The following CSMD1 variants were observed in gnomAD, a reference collection of about 807,000 sequenced individuals.
CSMD1 encodes CUB and sushi domain-containing protein 1.
Under a neutral mutation model 417.5 loss-of-function variants are expected in CSMD1, and 213 were observed. The observed-to-expected ratio is 0.51, with a 90% CI of 0.46 to 0.57. The LOEUF (loss-of-function observed/expected upper bound fraction) is 0.57. Among genes scored for constraint, CSMD1 ranks in the 20% least tolerant of loss-of-function variants. CSMD1 has a pLI of 0.00. For synonymous variants in CSMD1, 2,862 were observed against 1,736.8 expected (o/e 1.65, Z -16.11); for missense variants, 6,923 against 4,529.7 (o/e 1.53, Z -15.17).
At chr8:4,174,345 A>G (rs1453826655) in intron 3 of CSMD1, among the ~76,000 whole-genome samples, 3 of 152,124 alleles carry the variant, frequency 2.0e-5, no homozygotes, top group African/African-American at 4.8e-5. Flanking sequence ...TTTACAGATT[A>G]AAGTGCAGTC....
chr8:4,393,209 A>C (rs76835104), intron 3 of CSMD1, among the ~76,000 whole-genome samples: 8,068 of 152,054 alleles, frequency 0.053, 690 homozygotes, highest in African/African-American at 0.18. Flanking sequence ...CTCCTCAGCT[A>C]AATTGATCTA....
intron 1 of CSMD1, among the ~76,000 whole-genome samples, chr8:4,990,054 G>A (rs934094909): frequency 5.3e-5 from 8 of 152,074 alleles, no homozygotes; most frequent in Non-Finnish European, 1.0e-4. Flanking sequence ...CTCTCTTCCC[G>A]AGGCCTCTGC....
intron 10 of CSMD1, among the ~76,000 whole-genome samples, chr8:3,569,163 G>A (rs574613001): frequency 1.3e-5 from 2 of 152,218 alleles, no homozygotes; most frequent in Admixed American, 6.5e-5. Flanking sequence ...GAATCTTCTT[G>A]AGAGGCCTTT....
chr8:3,300,507 C>T (rs754394625), intron 25 of CSMD1, among the ~76,000 whole-genome samples: 1 of 152,116 alleles, frequency 6.6e-6, no homozygotes, highest in Non-Finnish European at 1.5e-5. Flanking sequence ...ATGACTGACT[C>T]TGCTTTATAG....
rs761866267 is a variant in CSMD1 at position 3,369,323 on chromosome 8, G to A, written c.2830C>T (p.Pro944Ser). ...TTTGGATAAAAATCTGGAAACCCAG[G>A]AGAAAGGACTGTTCCACTCTTCCCT... ...IQGKSGTVLS[P>S]GFPDFYPNSL... The change falls in exon 19 of 70, where the codon CCT (proline) becomes TCT (serine). Residue 944 changes from proline to serine, a missense_variant. By Grantham distance (74) the Pro-to-Ser change is moderately conservative (BLOSUM62 -1). Transcript: ENST00000635120. 1.9e-6 allele frequency: 3 copies of A among 1,607,198 alleles called. No homozygotes were observed. The highest frequency in any genetic ancestry group is 2.6e-6 in the Non-Finnish European group (3 of 1,174,146).
chr8:3,205,820 A>C (rs1436864291), intron 30 of CSMD1, among the ~76,000 whole-genome samples, 200 bp from the exon 31 acceptor site: 1 of 152,228 alleles, frequency 6.6e-6, no homozygotes, highest in East Asian at 1.9e-4. Context: ...CCAACTTAGG[A>C]GAAAAACCTA....
intron 1 of CSMD1, among the ~76,000 whole-genome samples, chr8:4,714,973 G>A (rs1808556739): frequency 1.3e-5 from 2 of 152,138 alleles, no homozygotes; most frequent in Non-Finnish European, 1.5e-5. Context: ...AAATTAGACT[G>A]TATTTCCCTT....
At chr8:3,158,432 CAT>C (rs145555655) in intron 38 of CSMD1, among the ~76,000 whole-genome samples, 1,928 of 152,266 alleles carry the variant, frequency 0.013, 41 homozygotes, top group African/African-American at 0.044. Context: ...TTCCGCGTCA[CAT>C]GACTACCAGG....
chr8:3,697,302 G>A (rs941425436), intron 7 of CSMD1, among the ~76,000 whole-genome samples: 2 of 151,968 alleles, frequency 1.3e-5, no homozygotes, highest in Non-Finnish European at 2.9e-5. Context: ...AAACATTTTC[G>A]GTTTTCTCCT....
chr8:4,888,724 T>C (rs552759469), intron 1 of CSMD1, among the ~76,000 whole-genome samples: 1 of 152,104 alleles, frequency 6.6e-6, no homozygotes, highest in East Asian at 1.9e-4. Context: ...GCAGGGAAAG[T>C]GCAGGCCAAG....
chr8:3,395,096 T>C (rs564431073), intron 17 of CSMD1, among the ~76,000 whole-genome samples: 6 of 152,140 alleles, frequency 3.9e-5, no homozygotes, highest in African/African-American at 1.4e-4. Flanking sequence ...ATGTGGGGAA[T>C]GGAAGGCAAG....
chr8:3,055,916 A>C (rs959411242), intron 49 of CSMD1, among the ~76,000 whole-genome samples: 1 of 152,190 alleles, frequency 6.6e-6, no homozygotes, highest in African/African-American at 2.4e-5. Flanking sequence ...GACCTATGTC[A>C]AAAGGTAATC....
intron 1 of CSMD1, among the ~76,000 whole-genome samples, chr8:4,743,376 G>A (rs551001965): frequency 3.3e-4 from 50 of 152,192 alleles, no homozygotes; most frequent in African/African-American, 1.1e-3. Flanking sequence ...TTCACAGGAT[G>A]GAAATTATCA....
At chr8:4,046,871 C>G (rs1265641459) in intron 3 of CSMD1, among the ~76,000 whole-genome samples, 2 of 152,188 alleles carry the variant, frequency 1.3e-5, no homozygotes, top group South Asian at 2.1e-4. Context: ...AGGAGCCCCA[C>G]AGAGAATGTG....
At chr8:3,311,887 T>A (rs1805379522) in intron 23 of CSMD1, among the ~76,000 whole-genome samples, 1 of 152,204 alleles carries the variant, frequency 6.6e-6, no homozygotes, top group African/African-American at 2.4e-5. Flanking sequence ...GCTCTACAAG[T>A]AGTTTATAGC....
chr8:3,463,652 G>A (rs1038078957), intron 12 of CSMD1, among the ~76,000 whole-genome samples: 8 of 152,180 alleles, frequency 5.3e-5, no homozygotes, highest in East Asian at 1.9e-4. Flanking sequence ...ACCCTGTGCC[G>A]TCATTGCACT....
chr8:3,504,645 T>G (rs1332532622), intron 10 of CSMD1, among the ~76,000 whole-genome samples: 1 of 152,228 alleles, frequency 6.6e-6, no homozygotes, highest in African/African-American at 2.4e-5. Context: ...CTCTGCAATT[T>G]CTAACTCCAA....
chr8:4,221,376 G>C (rs1476667672), intron 3 of CSMD1, among the ~76,000 whole-genome samples: 1 of 96,462 alleles, frequency 1.0e-5, no homozygotes, highest in Non-Finnish European at 1.9e-5. Flanking sequence ...CAAGGAAAGT[G>C]AGAAAAAAAA....
intron 2 of CSMD1, among the ~76,000 whole-genome samples, chr8:4,632,802 A>G (rs1456406784): frequency 6.6e-6 from 1 of 152,152 alleles, no homozygotes; most frequent in Non-Finnish European, 1.5e-5. Flanking sequence ...TGAAATAAAT[A>G]TAATGTGCAC....
Sources: gnomAD v4.1 joint callset for allele counts (sites outside exome capture counted in the v4.1 genomes callset) on GRCh38, gnomAD v4.1.1 for gene constraint, MANE v1.5 for transcripts, NCBI Gene and HGNC (gene_info 2026-07-23, HGNC 2026-07-21) for gene names.